COMMD8: variants seen among roughly 807,000 people sequenced by gnomAD.
COMMD8 encodes COMM domain-containing protein 8.
In COMMD8, 28 loss-of-function variants were observed where a neutral mutation model predicts 27.2. That is an observed-to-expected ratio of 1.03 (90% CI 0.76 to 1.41). The LOEUF (loss-of-function observed/expected upper bound fraction) is 1.41, where lower values mean the gene tolerates loss of function less well. COMMD8 is among the 40% of genes most tolerant of loss of function. COMMD8 has a pLI of 0.00. For synonymous variants in COMMD8, 79 were observed against 75.5 expected (o/e 1.05, Z -0.24); for missense variants, 217 against 211.2 (o/e 1.03, Z -0.17).
chr4:47,453,986 T>C (rs1051079316), intron 3 of COMMD8, among the ~76,000 whole-genome samples: 1 of 152,308 alleles, frequency 6.6e-6, no homozygotes, highest in East Asian at 1.9e-4. Context: ...TTGTGGTACA[T>C]ACACTATAGA....
chr4:47,457,758 G>A (rs1163797131), intron 2 of COMMD8, among the ~76,000 whole-genome samples: 5 of 149,714 alleles, frequency 3.3e-5, no homozygotes, highest in African/African-American at 1.2e-4. Context: ...TTCTTCCTGA[G>A]AACAGGAAAA....
Position 47,451,567 on chromosome 4 carries a change from T to G in COMMD8, c.*78A>C. The G allele has an allele frequency of 2.7e-6, 3 of 1,105,200 alleles. No homozygotes were observed. The South Asian group carries it at 3.8e-5, about 14-fold the overall frequency. 68.5% of individuals were successfully genotyped at this position (1,105,200 alleles called of 1,614,324 possible). On this transcript the variant is annotated 3_prime_UTR_variant, in exon 5 of 5. Coordinates refer to ENST00000381571, the MANE Select transcript of COMMD8 (RefSeq NM_017845.5). Reference sequence around the variant, plus strand: ...TGCAACAGTCAAGACATCACAAGGTTTCTGAACACGCAGTATTCACTCTGC... The same window carrying G: ...TGCAACAGTCAAGACATCACAAGGTGTCTGAACACGCAGTATTCACTCTGC...
chr4:47,458,827 G>A (rs900344395), intron 2 of COMMD8, among the ~76,000 whole-genome samples: 7 of 151,958 alleles, frequency 4.6e-5, no homozygotes, highest in African/African-American at 1.7e-4. Context: ...TACAAAAGTA[G>A]ACTAATGGAA....
chr4:47,451,411 A>T lies in COMMD8; in HGVS notation c.*234T>A, dbSNP rs1729747984. On this transcript the variant is annotated 3_prime_UTR_variant, in exon 5 of 5. Transcript: ENST00000381571. ...ATAAATGAGGCAAAACAATCATGAA[A>T]ATATAAACTGCTACTATAGATTTTT... 1.2e-5 allele frequency: 5 copies of T among 423,910 alleles called. No individual in the cohort carries two copies. The highest frequency in any genetic ancestry group is 1.7e-5 in the Non-Finnish European group (4 of 240,998). The allele number at this position is 423,910 out of a possible 1,614,324, so 26.3% of individuals were successfully genotyped here.
At chr4:47,456,792 C>T in intron 2 of COMMD8, 63 bp from the exon 3 acceptor site, 21 of 1,263,922 alleles carry the variant, frequency 1.7e-5, no homozygotes, top group Non-Finnish European at 2.3e-5. Flanking sequence ...CAATTCCACT[C>T]TCCTTTTGCA....
At chr4:47,463,501 G>T in intron 1 of COMMD8, 85 bp downstream of exon 1, 2 of 1,336,874 alleles carry the variant, frequency 1.5e-6, no homozygotes, top group Non-Finnish European at 2.0e-6. Context: ...TTGCGAAGGC[G>T]TCCGGGTCGC....
rs1482333111 is a variant in COMMD8 at position 47,454,525 on chromosome 4, ATAT to A, written c.376-1314_376-1312del. Reference sequence around the variant, plus strand: ...ACTAAACAGATAATACACTAAGAAGATATTATCACTGGAAACAGAATGTACTAG... The same window carrying A: ...ACTAAACAGATAATACACTAAGAAGATATCACTGGAAACAGAATGTACTAG... On this transcript the variant is annotated intron_variant, in intron 3 of 4. Transcript: ENST00000381571. 4.6e-5 allele frequency among the ~76,000 whole-genome samples: 7 copies of A among 152,232 alleles called. No homozygotes were observed. In the East Asian group the frequency reaches 1.4e-3, roughly 29 times the overall value.
chr4:47,462,777 T>C (rs1730093173), intron 1 of COMMD8, among the ~76,000 whole-genome samples: 2 of 152,162 alleles, frequency 1.3e-5, no homozygotes, highest in Admixed American at 1.3e-4. Flanking sequence ...TCTGCTGACA[T>C]TTCAGGTTCC....
intron 2 of COMMD8, among the ~76,000 whole-genome samples, chr4:47,458,122 T>G (rs7684002): frequency 0.015 from 2,241 of 152,140 alleles, 52 homozygotes; most frequent in African/African-American, 0.051. Context: ...GGATGCTTCT[T>G]TAGTCTGATA....
chr4:47,455,235 C>T (rs1000144504), intron 3 of COMMD8, among the ~76,000 whole-genome samples: 29 of 152,138 alleles, frequency 1.9e-4, no homozygotes, highest in African/African-American at 6.5e-4. Flanking sequence ...AGGCCAGTCT[C>T]AAACTCCTGG....
chr4:47,454,681 C>CA (rs1310452083), intron 3 of COMMD8, among the ~76,000 whole-genome samples: 1 of 151,920 alleles, frequency 6.6e-6, no homozygotes, highest in Non-Finnish European at 1.5e-5. Flanking sequence ...GCATGACCGA[C>CA]ATGGCAAAAC....
At chr4:47,453,011 C>T (rs1729792231) in intron 4 of COMMD8, 48 bp downstream of exon 4, 2 of 1,526,668 alleles carry the variant, frequency 1.3e-6, no homozygotes, top group Middle Eastern at 1.8e-4. Context: ...AAAAAAAAAC[C>T]CCAAAACCTT....
rs2109357554 is a variant in COMMD8, at chr4:47,460,014, T to C, written c.222+130A>G. 5.9e-6 allele frequency: 4 copies of C among 676,956 alleles called. No homozygotes were observed. The South Asian group carries it at 1.3e-4, about 22-fold the overall frequency. The allele number at this position is 676,956 out of a possible 1,614,324, so 41.9% of individuals were successfully genotyped here. A position where few individuals can be genotyped will look rare whatever the true frequency, so the allele number is the denominator to read the frequency against. On this transcript the variant is annotated intron_variant, in intron 2 of 4. Coordinates refer to ENST00000381571, the MANE Select transcript of COMMD8 (RefSeq NM_017845.5). Reference sequence around the variant, plus strand: ...CAAAAACCTAGGACTTCCACAGATTTTTCCATTCACAATTATAAGGTATTT... The same window carrying C: ...CAAAAACCTAGGACTTCCACAGATTCTTCCATTCACAATTATAAGGTATTT...
intron 2 of COMMD8, among the ~76,000 whole-genome samples, chr4:47,456,941 G>T (rs1011670921): frequency 6.6e-6 from 1 of 152,186 alleles, no homozygotes; most frequent in Non-Finnish European, 1.5e-5. Flanking sequence ...ACTGATGGAA[G>T]CAGCAGCATG....
chr4:47,457,422 T>C (rs1411772478), intron 2 of COMMD8, among the ~76,000 whole-genome samples: 1 of 152,030 alleles, frequency 6.6e-6, no homozygotes, highest in East Asian at 1.9e-4. Context: ...CAACTCTCAA[T>C]AGCTGACACA....
intron 3 of COMMD8, among the ~76,000 whole-genome samples, chr4:47,456,267 C>CATATATATATATATATATAT (rs34279197): frequency 8.4e-6 from 1 of 119,018 alleles, no homozygotes; most frequent in Non-Finnish European, 1.7e-5. Flanking sequence ...ATAAATTATA[C>CATATATATATATATATATAT]ATATATATAT....
intron 2 of COMMD8, among the ~76,000 whole-genome samples, chr4:47,457,452 A>G (rs913804447): frequency 1.3e-5 from 2 of 152,200 alleles, no homozygotes; most frequent in African/African-American, 4.8e-5. Context: ...AAAAAAATCA[A>G]TGAGGATATA....
intron 3 of COMMD8, among the ~76,000 whole-genome samples, chr4:47,453,594 A>T (rs1729812510): frequency 6.6e-6 from 1 of 152,210 alleles, no homozygotes; most frequent in Middle Eastern, 3.2e-3. Flanking sequence ...GAGACCAAAA[A>T]TAGTGGTAAA....
chr4:47,456,820 T>C (rs1292725686), intron 2 of COMMD8, 91 bp from the exon 3 acceptor site: 2 of 917,562 alleles, frequency 2.2e-6, no homozygotes, highest in African/African-American at 1.8e-5. Context: ...AAAGCAACAG[T>C]AAAAGAAAAA....
Sources: allele counts gnomAD v4.1 joint callset (sites outside exome capture counted in the v4.1 genomes callset), GRCh38; gene constraint gnomAD v4.1.1; transcripts MANE v1.5; gene names NCBI Gene and HGNC (gene_info 2026-07-23, HGNC 2026-07-21).